The following ZKSCAN8 variants were observed in gnomAD, a reference collection of about 807,000 sequenced individuals.
ZKSCAN8 encodes zinc finger protein with KRAB and SCAN domains 8.
Under a neutral mutation model 57.2 loss-of-function variants are expected in ZKSCAN8, and 27 were observed. The ratio of observed to expected loss-of-function variants is 0.47; its 90% CI spans 0.35 to 0.65. ZKSCAN8 has a LOEUF of 0.65. Ranked by LOEUF, ZKSCAN8 falls within the 30% of genes least tolerant of loss-of-function variation. The probability of loss-of-function intolerance (pLI) is 0.01; values close to 1 mark genes in which losing one functional copy is unlikely to be tolerated. For synonymous variants in ZKSCAN8, 214 were observed against 248.7 expected, an observed-to-expected ratio of 0.86 and a Z score of 1.31; for missense variants, 597 against 696.3, an observed-to-expected ratio of 0.86 and a Z score of 1.60.
chr6:28,156,952 A>G lies in ZKSCAN8; in HGVS notation c.*2935A>G, dbSNP rs1243962422. On this transcript the variant is annotated 3_prime_UTR_variant, in exon 6 of 6. Coordinates refer to ENST00000330236, the MANE Select transcript of ZKSCAN8 (RefSeq NM_006298.4). ...TGGTTCTGAGTCTCCAAATAATAAT[A>G]GCCGACGTTTATTGAGCACTTACTA... 3 of 152,248 alleles carry G rather than the reference A, an allele frequency of 2.0e-5. No homozygotes were observed. Among genetic ancestry groups the G allele is most frequent in the African/African-American group, 7.2e-5 (3 of 41,450 alleles). 9.4% of individuals were successfully genotyped at this position (152,248 alleles called of 1,614,324 possible).
intron 1 of ZKSCAN8, among the ~76,000 whole-genome samples, chr6:28,145,735 A>G (rs949188914): frequency 1.4e-4 from 21 of 152,046 alleles, no homozygotes; most frequent in Non-Finnish European, 2.4e-4. Context: ...CTTAGCTCTC[A>G]TTCATCTGTG....
rs1322232151 is a variant in ZKSCAN8 at position 28,153,700 on chromosome 6, A to G, written c.1420A>G (p.Ser474Gly). 7.4e-6 allele frequency: 12 copies of G among 1,613,896 alleles called. No individual in the cohort carries two copies. The Admixed American group carries it at 1.5e-4, about 20-fold the overall frequency. The change falls in exon 6 of 6, where the codon AGC (serine) becomes GGC (glycine). Residue 474 changes from serine to glycine, a missense_variant. Transcript: ENST00000330236. ...TGAGTGTGGGAAAACCTTCAGGCGG[A>G]GCTCACATCTTATTGGTCATCAGAG... The part of the protein sequence containing the change: ...CDECGKTFRR[S>G]SHLIGHQRSH...
Position 28,155,548 on chromosome 6 carries a change from G to C in ZKSCAN8, c.*1531G>C, listed in dbSNP as rs984269899. On this transcript the variant is annotated 3_prime_UTR_variant, in exon 6 of 6. Coordinates refer to ENST00000330236, the MANE Select transcript of ZKSCAN8 (RefSeq NM_006298.4). ...AGTAGCCACTTATTCACCAGAGTTG[G>C]AATTGAGAAATTTTGGGCTTTCCAA... is the stretch of plus-strand genomic sequence containing the variant. The C allele has an allele frequency of 6.6e-6, 1 of 152,056 alleles. No homozygotes were observed. Among genetic ancestry groups the C allele is most frequent in the African/African-American group, 2.4e-5 (1 of 41,390 alleles). The allele number at this position is 152,056 out of a possible 1,614,324, so 9.4% of individuals were successfully genotyped here. A position where few individuals can be genotyped will look rare whatever the true frequency, so the allele number is the denominator to read the frequency against.
At chr6:28,147,016 G>A (rs1765419738) in intron 1 of ZKSCAN8, among the ~76,000 whole-genome samples, 1 of 151,928 alleles carries the variant, frequency 6.6e-6, no homozygotes, top group Non-Finnish European at 1.5e-5. Flanking sequence ...ATTAAGCAAA[G>A]ATTTCTTAGA....
intron 3 of ZKSCAN8, 135 bp downstream of exon 3, chr6:28,149,759 GT>G: frequency 1.1e-6 from 1 of 927,286 alleles, no homozygotes; most frequent in Non-Finnish European, 1.5e-6. Context: ...GTGTTTAAAT[GT>G]TTAGGCTTCA....
chr6:28,151,170 G>A (rs1206806201), intron 3 of ZKSCAN8, among the ~76,000 whole-genome samples: 1 of 152,146 alleles, frequency 6.6e-6, no homozygotes, highest in African/African-American at 2.4e-5. Flanking sequence ...TCTGGCTCTT[G>A]TATCCTCTTG....
At position 28,148,299 on chromosome 6, in the gene ZKSCAN8, A is replaced by G. The variant is rs565972276; in HGVS notation, c.-92-17A>G. On this transcript the variant is annotated splice_polypyrimidine_tract_variant and intron_variant, in intron 1 of 5. Coordinates refer to ENST00000330236, the MANE Select transcript of ZKSCAN8 (RefSeq NM_006298.4). ...ACTTTTGACTTGCCTTAACACTATC[A>G]TATTTTCTTCATGAAGAAGTACCCT... 46 of 1,204,134 alleles carry G rather than the reference A, an allele frequency of 3.8e-5. No individual in the cohort carries two copies. Among genetic ancestry groups the G allele is most frequent in the Non-Finnish European group, 5.0e-5 (44 of 878,692 alleles). 74.6% of individuals were successfully genotyped at this position (1,204,134 alleles called of 1,614,324 possible).
At chr6:28,146,248 A>C (rs971736154) in intron 1 of ZKSCAN8, among the ~76,000 whole-genome samples, 2 of 152,210 alleles carry the variant, frequency 1.3e-5, no homozygotes, top group Non-Finnish European at 2.9e-5. Flanking sequence ...ACCTTTGCCC[A>C]TGGGGAAAAT....
intron 1 of ZKSCAN8, among the ~76,000 whole-genome samples, chr6:28,145,985 G>A (rs753775494): frequency 2.0e-5 from 3 of 152,164 alleles, no homozygotes; most frequent in Non-Finnish European, 2.9e-5. Flanking sequence ...AGGCAATATT[G>A]TGGAACATGA....
In ZKSCAN8 at chr6:28,159,062, C is replaced by T. The variant is rs9468300; in HGVS notation, c.*5045C>T. ...GCCTTCTACTGATGTCTTACAAGCT[C>T]TTGCCTCTGTGCCTTTCTCATGCTA... On this transcript the variant is annotated 3_prime_UTR_variant, in exon 6 of 6. Transcript: ENST00000330236. 16,633 of 152,188 alleles carry T rather than the reference C, an allele frequency of 0.11. 1,015 individuals are homozygous for T. Among genetic ancestry groups the T allele is most frequent in the Admixed American group, 0.15 (2,221 of 15,300 alleles). The allele number at this position is 152,188 out of a possible 1,614,324, so 9.4% of individuals were successfully genotyped here. A position where few individuals can be genotyped will look rare whatever the true frequency, so the allele number is the denominator to read the frequency against.
At chr6:28,147,560 A>G (rs1275719062) in intron 1 of ZKSCAN8, among the ~76,000 whole-genome samples, 7 of 152,358 alleles carry the variant, frequency 4.6e-5, no homozygotes, top group Admixed American at 3.3e-4. Context: ...ATAGTGATTA[A>G]AAAACAAAAA....
rs1765881526 is a variant in ZKSCAN8 at position 28,159,237 on chromosome 6, TC to T, written c.*5221del. ...TCATTCTGTGCTGCCTCAGCACTTA[TC>T]TTTTGAGTTTGTACTGTGGTCCATG... On this transcript the variant is annotated 3_prime_UTR_variant, in exon 6 of 6. Transcript: ENST00000330236. 1 of 151,754 alleles carries T rather than the reference TC, an allele frequency of 6.6e-6. No homozygotes were observed. The highest frequency in any genetic ancestry group is 2.4e-5 in the African/African-American group (1 of 41,276). The allele number at this position is 151,754 out of a possible 1,614,324, so 9.4% of individuals were successfully genotyped here. A position where few individuals can be genotyped will look rare whatever the true frequency, so the allele number is the denominator to read the frequency against.
intron 2 of ZKSCAN8, among the ~76,000 whole-genome samples, chr6:28,149,124 A>C (rs1278798699): frequency 6.6e-6 from 1 of 152,162 alleles, no homozygotes; most frequent in African/African-American, 2.4e-5. Context: ...ATTAAAGGTA[A>C]ATTTGAGACC....
intron 4 of ZKSCAN8, 145 bp from the exon 5 acceptor site, chr6:28,152,116 C>T (rs1765610304): frequency 7.2e-7 from 1 of 1,396,796 alleles, no homozygotes; most frequent in African/African-American, 1.4e-5. Flanking sequence ...ATGCATTTTC[C>T]TCTTCTTCCT....
At chr6:28,147,996 G>T (rs1765455154) in intron 1 of ZKSCAN8, among the ~76,000 whole-genome samples, 1 of 152,158 alleles carries the variant, frequency 6.6e-6, no homozygotes. Flanking sequence ...TAAATGAGCA[G>T]CCCTGAAGGC....
In ZKSCAN8 at chr6:28,157,582, C is replaced by A. The variant is rs182610173; in HGVS notation, c.*3565C>A. Reference sequence around the variant, plus strand: ...TAACCAGCTTTTTAAAAATATGTAGCGCTTGTCATGAGAGGTACTGGGGAA... The same window carrying A: ...TAACCAGCTTTTTAAAAATATGTAGAGCTTGTCATGAGAGGTACTGGGGAA... On this transcript the variant is annotated 3_prime_UTR_variant, in exon 6 of 6. Transcript: ENST00000330236. 1.3e-5 allele frequency: 2 copies of A among 151,934 alleles called. No homozygotes were observed. The highest frequency in any genetic ancestry group is 1.9e-4 in the East Asian group (1 of 5,194). 9.4% of individuals were successfully genotyped at this position (151,934 alleles called of 1,614,324 possible).
At chr6:28,145,387 A>G (rs1765358792) in intron 1 of ZKSCAN8, among the ~76,000 whole-genome samples, 1 of 152,234 alleles carries the variant, frequency 6.6e-6, no homozygotes, top group Admixed American at 6.5e-5. Flanking sequence ...GTGAGTTTAA[A>G]GTAGATATAG....
chr6:28,145,701 A>T (rs118092511), intron 1 of ZKSCAN8, among the ~76,000 whole-genome samples: 1 of 151,892 alleles, frequency 6.6e-6, no homozygotes, highest in East Asian at 1.9e-4. Flanking sequence ...CAGCTGCACA[A>T]CTCCATCTCT....
At chr6:28,147,847 T>G (rs1328784368) in intron 1 of ZKSCAN8, among the ~76,000 whole-genome samples, 2 of 152,120 alleles carry the variant, frequency 1.3e-5, no homozygotes, top group African/African-American at 4.8e-5. Flanking sequence ...AAGAGCAAAG[T>G]GTTAGGAAAG....
Sources: gnomAD v4.1 joint callset for allele counts (sites outside exome capture counted in the v4.1 genomes callset) on GRCh38, gnomAD v4.1.1 for gene constraint, MANE v1.5 for transcripts, NCBI Gene and HGNC (gene_info 2026-07-23, HGNC 2026-07-21) for gene names.